The following PRRC2B variants were observed in gnomAD, a reference collection of about 807,000 sequenced individuals.
The protein encoded by PRRC2B is protein PRRC2B.
In PRRC2B, 68 loss-of-function variants were observed where a neutral mutation model predicts 242.3. That is an observed-to-expected ratio of 0.28 (90% CI 0.23 to 0.34). The LOEUF (loss-of-function observed/expected upper bound fraction) is 0.34, where lower values mean the gene tolerates loss of function less well. Ranked by LOEUF, PRRC2B falls within the 10% of genes least tolerant of loss-of-function variation. The pLI is 1.00. For missense variants in PRRC2B, 2,835 were observed against 2,954.8 expected, an observed-to-expected ratio of 0.96 and a Z score of 0.94; for synonymous variants, 1,228 against 1,173.6, an observed-to-expected ratio of 1.05 and a Z score of -0.95.
chr9:131,401,074 G>C (rs1837215848), intron 1 of PRRC2B, among the ~76,000 whole-genome samples: 1 of 150,742 alleles, frequency 6.6e-6, no homozygotes, highest in African/African-American at 2.4e-5. Flanking sequence ...CGATTCTCCT[G>C]CCTCAGCCTC....
chr9:131,424,568 C>G (rs1837931576), intron 1 of PRRC2B, among the ~76,000 whole-genome samples: 1 of 152,074 alleles, frequency 6.6e-6, no homozygotes, highest in African/African-American at 2.4e-5. Flanking sequence ...CACCTGTAAT[C>G]CCAGCTACTC....
At chr9:131,429,452 G>T (rs1381169801) in intron 1 of PRRC2B, among the ~76,000 whole-genome samples, 1 of 152,248 alleles carries the variant, frequency 6.6e-6, no homozygotes, top group Non-Finnish European at 1.5e-5. Context: ...TCCCTTGCTA[G>T]CCCTGGGGAG....
chr9:131,423,518 T>C (rs1056286104), intron 1 of PRRC2B, among the ~76,000 whole-genome samples: 2 of 152,176 alleles, frequency 1.3e-5, no homozygotes, highest in African/African-American at 4.8e-5. Flanking sequence ...GGGGCCAGCC[T>C]CGCACTCAGC....
intron 30 of PRRC2B, among the ~76,000 whole-genome samples, chr9:131,492,647 G>A (rs186158877): frequency 3.3e-4 from 50 of 152,300 alleles, no homozygotes; most frequent in Non-Finnish European, 6.5e-4. Flanking sequence ...CTTTCCCAGC[G>A]TCTCTTTCCT....
intron 5 of PRRC2B, among the ~76,000 whole-genome samples, chr9:131,443,255 T>A (rs1460236297): frequency 1.3e-5 from 2 of 151,776 alleles, no homozygotes; most frequent in Non-Finnish European, 2.9e-5. Context: ...TGCCTCAGCC[T>A]CCCGAGTAGC....
At position 131,479,135 on chromosome 9, in the gene PRRC2B, A is replaced by G. The variant is rs1225991940; in HGVS notation, c.4759-117A>G. 5 of 1,041,474 alleles carry G rather than the reference A, an allele frequency of 4.8e-6. No individual in the cohort carries two copies. In the African/African-American group the frequency reaches 8.0e-5, roughly 17 times the overall value. The allele number at this position is 1,041,474 out of a possible 1,614,324, so 64.5% of individuals were successfully genotyped here. On this transcript the variant is annotated intron_variant, in intron 18 of 31. Transcript: ENST00000683519. Reference sequence around the variant, plus strand: ...AGGTTTTGGGAGACGAGCGTTCCACACATCTCTGGAGCATTTTCAGGTGGT... The same window carrying G: ...AGGTTTTGGGAGACGAGCGTTCCACGCATCTCTGGAGCATTTTCAGGTGGT...
chr9:131,474,125 T>A (rs1943619899), intron 15 of PRRC2B, among the ~76,000 whole-genome samples: 1 of 152,154 alleles, frequency 6.6e-6, no homozygotes. Flanking sequence ...TCTTGCTCTT[T>A]GACCCGGAGG....
chr9:131,499,643 TC>T lies in PRRC2B; in HGVS notation c.*3770del, dbSNP rs941302382. 3 of 151,916 alleles carry T rather than the reference TC, an allele frequency of 2.0e-5. No homozygotes were observed. The highest frequency in any genetic ancestry group is 4.8e-5 in the African/African-American group (2 of 41,320). The allele number at this position is 151,916 out of a possible 1,614,324, so 9.4% of individuals were successfully genotyped here. A position where few individuals can be genotyped will look rare whatever the true frequency, so the allele number is the denominator to read the frequency against. On this transcript the variant is annotated 3_prime_UTR_variant, in exon 32 of 32. Coordinates refer to ENST00000683519, the MANE Select transcript of PRRC2B (RefSeq NM_013318.4). ...CCAATGTGTAGTTGGCTGGTGGTCT[TC>T]GGGCATGTGAGACCTGCTCTTCACT...
intron 1 of PRRC2B, among the ~76,000 whole-genome samples, chr9:131,385,850 C>A (rs1474319280): frequency 6.7e-6 from 1 of 149,678 alleles, no homozygotes; most frequent in Non-Finnish European, 1.5e-5. Context: ...CCCACCACCA[C>A]GCCCGGCTAA....
chr9:131,389,140 C>T (rs1301305642), upstream of PRRC2B, among the ~76,000 whole-genome samples: 1 of 145,176 alleles, frequency 6.9e-6, no homozygotes, highest in Admixed American at 7.4e-5. Context: ...CTGCGCCTGG[C>T]TCCTTTCAAT....
At chr9:131,453,585 G>A (rs917590806) in intron 9 of PRRC2B, among the ~76,000 whole-genome samples, 1 of 152,110 alleles carries the variant, frequency 6.6e-6, no homozygotes, top group Non-Finnish European at 1.5e-5. Context: ...AAGCTGGAGT[G>A]CAGTGGCACA....
chr9:131,480,927 T>C (rs1463388647), intron 19 of PRRC2B, among the ~76,000 whole-genome samples: 1 of 151,920 alleles, frequency 6.6e-6, no homozygotes, highest in African/African-American at 2.4e-5. Context: ...TCCCAGCAGT[T>C]TGGGAGGCCA....
At chr9:131,411,498 C>T (rs1011431001) in intron 1 of PRRC2B, among the ~76,000 whole-genome samples, 1 of 151,334 alleles carries the variant, frequency 6.6e-6, no homozygotes, top group Non-Finnish European at 1.5e-5. Context: ...AGGCGCCTGC[C>T]ACCACGCCTG....
intron 1 of PRRC2B, among the ~76,000 whole-genome samples, chr9:131,408,548 T>A (rs1323423250): frequency 6.6e-6 from 1 of 152,234 alleles, no homozygotes; most frequent in African/African-American, 2.4e-5. Flanking sequence ...TTTAGAAAGA[T>A]GACCATGTAT....
At position 131,487,403 on chromosome 9, in the gene PRRC2B, T is replaced by C; in HGVS notation, c.5984+109T>C. 2.2e-6 allele frequency: 1 copy of C among 460,176 alleles called. No homozygotes were observed. The highest frequency in any genetic ancestry group is 3.8e-6 in the Non-Finnish European group (1 of 262,220). 28.5% of individuals were successfully genotyped at this position (460,176 alleles called of 1,614,324 possible). A position where few individuals can be genotyped will look rare whatever the true frequency, so the allele number is the denominator to read the frequency against. The stretch of plus-strand genomic sequence containing the variant: ...TGGTGCTTGTCTGCTTTGGGGCCAG[T>C]GGGGCGGGGAGGGGTGGGAGTTTGC... On this transcript the variant is annotated intron_variant, in intron 27 of 31. Coordinates refer to ENST00000683519, the MANE Select transcript of PRRC2B (RefSeq NM_013318.4). This position sits in a 1 kb window ranked among gnomAD's most constrained non-coding sequence, Gnocchi z 5.3.
In PRRC2B at chr9:131,384,270, G is replaced by GTA. The variant is rs1836801174; in HGVS notation, c.-56+10541_-56+10542dup. On this transcript the variant is annotated intron_variant, in intron 1 of 1. Transcript: ENST00000682525. The stretch of plus-strand genomic sequence containing the variant: ...CACCACGCCTGGCTAATTTTTGTAT[G>GTA]TATGTATGTATGTATGTATGTATTT... Among the ~76,000 whole-genome samples the GTA allele has an allele frequency of 2.0e-5, 3 of 149,196 alleles. No homozygotes were observed. In the South Asian group the frequency reaches 6.4e-4, roughly 32 times the overall value.
rs1484410462 is a variant in PRRC2B at position 131,470,966 on chromosome 9, C to T, written c.2090C>T (p.Ser697Phe). The change falls in exon 14 of 32, where the codon TCC becomes TTC. Residue 697 changes from serine to phenylalanine, a missense_variant. By Grantham distance (155) the Ser-to-Phe change is radical. This residue lies in a region of PRRC2B where 1,536 missense variants were observed against 1,483.1 expected (regional missense o/e 1.04). Transcript: ENST00000683519. Reference protein sequence around the residue: ...PTRTPVDFYPSALHPSGLMKP... With the variant: ...PTRTPVDFYPFALHPSGLMKP... ...CGGACCCCGGTGGACTTCTACCCCT[C>T]CGCCCTGCATCCCTCAGGTAAGCAC... 1 of 1,611,610 alleles carries T rather than the reference C, an allele frequency of 6.2e-7. No homozygotes were observed. Among genetic ancestry groups the T allele is most frequent in the Admixed American group, 1.7e-5 (1 of 59,610 alleles).
intron 12 of PRRC2B, among the ~76,000 whole-genome samples, chr9:131,467,045 T>A (rs906654264): frequency 6.6e-6 from 1 of 151,830 alleles, no homozygotes; most frequent in East Asian, 1.9e-4. Context: ...TCGTGATCCA[T>A]CCGCCTCGGC....
chr9:131,414,985 C>T (rs1406093769), intron 1 of PRRC2B, among the ~76,000 whole-genome samples: 1 of 152,114 alleles, frequency 6.6e-6, no homozygotes, highest in Non-Finnish European at 1.5e-5. Flanking sequence ...ATAATGACAG[C>T]AACTGTCTTT....
Sources: allele counts gnomAD v4.1 joint callset (sites outside exome capture counted in the v4.1 genomes callset), GRCh38; gene constraint gnomAD v4.1.1; regional missense constraint gnomAD v4.1.1; non-coding constraint Gnocchi (gnomAD v3.1); transcripts MANE v1.5; gene names NCBI Gene and HGNC (gene_info 2026-07-23, HGNC 2026-07-21).